CDH22: variants seen among roughly 807,000 people sequenced by gnomAD.
The protein encoded by CDH22 is cadherin-22.
A neutral mutation model predicts 58.4 loss-of-function variants in CDH22; 30 were observed. The ratio of observed to expected loss-of-function variants is 0.51; its 90% CI spans 0.38 to 0.70. The LOEUF (loss-of-function observed/expected upper bound fraction) is 0.70. CDH22 is among the 30% of genes least tolerant of loss of function. The pLI, the probability that CDH22 is intolerant of heterozygous loss-of-function variation, is 0.00. For missense variants in CDH22, 1,014 were observed against 1,233.9 expected (o/e 0.82, Z 2.67); for synonymous variants, 513 against 558.2 (o/e 0.92, Z 1.14).
At position 46,251,947 on chromosome 20, in the gene CDH22, C is replaced by T. The variant is rs1173318266; in HGVS notation, c.-399-254G>A. 2.6e-5 allele frequency among the ~76,000 whole-genome samples: 4 copies of T among 152,050 alleles called. No individual in the cohort carries two copies. The highest frequency in any genetic ancestry group is 1.3e-4 in the Admixed American group (2 of 15,274). ...CGCCCTGTACTCCCAATCTCCTACG[C>T]CTTTCTCACAGCCCCTGCCCCGCTC... On this transcript the variant is annotated intron_variant, in intron 1 of 11. Transcript: ENST00000537909. The surrounding 1 kb of genome is among the most constrained non-coding windows in gnomAD (Gnocchi z 6.7).
chr20:46,266,318 G>C (rs2086459385), intron 1 of CDH22, among the ~76,000 whole-genome samples: 1 of 152,200 alleles, frequency 6.6e-6, no homozygotes, highest in African/African-American at 2.4e-5. Flanking sequence ...GCTGTGCAGG[G>C]AGAGAGGACT....
intron 4 of CDH22, among the ~76,000 whole-genome samples, chr20:46,222,516 C>T (rs375586334): frequency 7.9e-5 from 12 of 152,216 alleles, no homozygotes; most frequent in African/African-American, 2.7e-4. Context: ...GCTCAGTTGA[C>T]AATTTTCAGC....
intron 10 of CDH22, among the ~76,000 whole-genome samples, chr20:46,182,756 G>T (rs2085798693): frequency 6.6e-6 from 1 of 152,230 alleles, no homozygotes; most frequent in South Asian, 2.1e-4. Flanking sequence ...TCAATCCCTG[G>T]CTGCAAAGGC....
intron 1 of CDH22, among the ~76,000 whole-genome samples, chr20:46,286,590 G>A (rs1229994087): frequency 2.0e-5 from 3 of 152,202 alleles, no homozygotes; most frequent in East Asian, 1.9e-4. Flanking sequence ...GCCAGCCCCC[G>A]ATCCGCCGAT....
At chr20:46,302,934 A>G (rs6032756) in intron 1 of CDH22, among the ~76,000 whole-genome samples, 2,297 of 152,110 alleles carry the variant, frequency 0.015, 56 homozygotes, top group African/African-American at 0.053. Flanking sequence ...AACCCTCACA[A>G]GTGAGTCCCC....
chr20:46,190,704 G>A (rs1366412154), intron 8 of CDH22, among the ~76,000 whole-genome samples: 2 of 152,248 alleles, frequency 1.3e-5, no homozygotes, highest in Non-Finnish European at 2.9e-5. Flanking sequence ...ACAGCCCGGG[G>A]CTGAGCAGGC....
At chr20:46,255,522 A>T (rs2086402364) in intron 1 of CDH22, among the ~76,000 whole-genome samples, 1 of 152,200 alleles carries the variant, frequency 6.6e-6, no homozygotes, top group Non-Finnish European at 1.5e-5. Context: ...GTGAGGGCAC[A>T]ATCTGTACTA....
intron 1 of CDH22, among the ~76,000 whole-genome samples, chr20:46,304,001 C>T (rs961817359): frequency 2.0e-5 from 3 of 151,880 alleles, no homozygotes; most frequent in Non-Finnish European, 2.9e-5. Flanking sequence ...GAAGGGATCG[C>T]GAGATGGATG....
intron 7 of CDH22, among the ~76,000 whole-genome samples, chr20:46,199,893 CT>C (rs1402104551): frequency 2.6e-5 from 4 of 151,856 alleles, no homozygotes; most frequent in Admixed American, 6.6e-5. Context: ...TCTCTTCTTT[CT>C]TTTCTTTTCT....
At chr20:46,203,873 A>G (rs2085979339) in intron 7 of CDH22, among the ~76,000 whole-genome samples, 2 of 152,286 alleles carry the variant, frequency 1.3e-5, no homozygotes, top group African/African-American at 4.8e-5. Flanking sequence ...TGGTGACAAC[A>G]ACCTGAAGGG....
intron 1 of CDH22, among the ~76,000 whole-genome samples, chr20:46,290,108 TG>T (rs1306934672): frequency 6.6e-6 from 1 of 152,196 alleles, no homozygotes; most frequent in African/African-American, 2.4e-5. Flanking sequence ...GTTTTGAGAA[TG>T]GGTCAAGAAA....
intron 10 of CDH22, among the ~76,000 whole-genome samples, chr20:46,178,629 T>C (rs564123379): frequency 1.4e-5 from 2 of 140,706 alleles, no homozygotes; most frequent in Admixed American, 7.3e-5. Context: ...CAACAGCTTG[T>C]TTTTGCTCTA....
chr20:46,241,673 C>G lies in CDH22; in HGVS notation c.256-416G>C, dbSNP rs1240757256. Reference sequence around the variant, plus strand: ...CCTTGTTTCTCTGCCCATGGAAAGTCTCTCATCCTGCAAAGTGCAACAAAA... The same window carrying G: ...CCTTGTTTCTCTGCCCATGGAAAGTGTCTCATCCTGCAAAGTGCAACAAAA... On this transcript the variant is annotated intron_variant, in intron 2 of 11. Coordinates refer to ENST00000537909, the MANE Select transcript of CDH22 (RefSeq NM_021248.3). This position sits in a 1 kb window ranked among gnomAD's most constrained non-coding sequence, Gnocchi z 5.2. 2.6e-5 allele frequency among the ~76,000 whole-genome samples: 4 copies of G among 152,164 alleles called. No homozygotes were observed. The highest frequency in any genetic ancestry group is 2.0e-4 in the Admixed American group (3 of 15,284).
intron 8 of CDH22, among the ~76,000 whole-genome samples, chr20:46,195,296 G>C (rs1359556239): frequency 6.6e-6 from 1 of 152,230 alleles, no homozygotes; most frequent in Non-Finnish European, 1.5e-5. Flanking sequence ...TGCAGGTATA[G>C]ACTGGGCCCT....
At chr20:46,305,537 C>T (rs2086671452) in intron 1 of CDH22, among the ~76,000 whole-genome samples, 1 of 152,172 alleles carries the variant, frequency 6.6e-6, no homozygotes, top group Non-Finnish European at 1.5e-5. Flanking sequence ...CCCGGGGCCT[C>T]AGCCCAGACA....
chr20:46,305,426 C>A (rs2086670717), intron 1 of CDH22, among the ~76,000 whole-genome samples: 1 of 152,188 alleles, frequency 6.6e-6, no homozygotes, highest in Non-Finnish European at 1.5e-5. Flanking sequence ...CTGAGCCTGA[C>A]CTGAGGCCTG....
chr20:46,191,142 T>G (rs1261984046), intron 8 of CDH22, among the ~76,000 whole-genome samples: 2 of 152,000 alleles, frequency 1.3e-5, no homozygotes, highest in Non-Finnish European at 2.9e-5. Context: ...TAAGGAGCTG[T>G]GAGAGCTTGG....
chr20:46,244,408 G>C (rs1251890970), intron 2 of CDH22, among the ~76,000 whole-genome samples: 1 of 152,184 alleles, frequency 6.6e-6, no homozygotes, highest in African/African-American at 2.4e-5. Flanking sequence ...CCTGGGTCCC[G>C]GCTCCAGAGT....
At chr20:46,239,604 G>A (rs1489834909) in intron 3 of CDH22, among the ~76,000 whole-genome samples, 1 of 152,252 alleles carries the variant, frequency 6.6e-6, no homozygotes, top group African/African-American at 2.4e-5. Flanking sequence ...CTGACACGCA[G>A]CCATAGAGCT....
Sources: gnomAD v4.1 joint callset for allele counts (sites outside exome capture counted in the v4.1 genomes callset) on GRCh38, gnomAD v4.1.1 for gene constraint, Gnocchi (gnomAD v3.1) non-coding constraint, MANE v1.5 for transcripts, NCBI Gene and HGNC (gene_info 2026-07-23, HGNC 2026-07-21) for gene names.